Variants in TTLL5 observed in about 807,000 individuals in gnomAD.
TTLL5 encodes the protein tubulin polyglutamylase TTLL5.
TTLL5 carries 132 observed loss-of-function variants against 168.4 expected under a neutral mutation model. That is an observed-to-expected ratio of 0.78 (90% CI 0.68 to 0.91). The LOEUF (loss-of-function observed/expected upper bound fraction) is 0.91. TTLL5 is among the 40% of genes least tolerant of loss of function. TTLL5 has a pLI of 0.00. For synonymous variants in TTLL5, 546 were observed against 558.6 expected, an observed-to-expected ratio of 0.98 and a Z score of 0.32; for missense variants, 1,545 against 1,581.5, an observed-to-expected ratio of 0.98 and a Z score of 0.39.
intron 31 of TTLL5, among the ~76,000 whole-genome samples, chr14:75,905,492 A>G (rs1354116090): frequency 1.3e-5 from 2 of 152,246 alleles, no homozygotes; most frequent in East Asian, 3.8e-4. Flanking sequence ...GAAAGCTCTT[A>G]GCAGAGTACC....
intron 26 of TTLL5, among the ~76,000 whole-genome samples, chr14:75,789,371 G>C (rs574221617): frequency 1.1e-4 from 16 of 152,242 alleles, no homozygotes; most frequent in African/African-American, 3.8e-4. Flanking sequence ...ATAATATATT[G>C]TCTACATAGA....
intron 26 of TTLL5, among the ~76,000 whole-genome samples, chr14:75,790,764 C>G (rs1892651639): frequency 6.6e-6 from 1 of 151,286 alleles, no homozygotes; most frequent in Non-Finnish European, 1.5e-5. Flanking sequence ...CATTCCCGGC[C>G]CAGGAACTTT....
chr14:75,764,667 G>C lies in TTLL5; in HGVS notation c.1603G>C (p.Ala535Pro), dbSNP rs753878212. 6.2e-7 allele frequency: 1 copy of C among 1,614,028 alleles called. No individual in the cohort carries two copies. The highest frequency in any genetic ancestry group is 1.3e-5 in the African/African-American group (1 of 74,914). Residue 535 changes from alanine to proline, a missense_variant, in exon 19 of 32, where the codon GCC (alanine) becomes CCC (proline). By Grantham distance (27) the Ala-to-Pro change is conservative. Coordinates refer to ENST00000298832, the MANE Select transcript of TTLL5 (RefSeq NM_015072.5). Reference protein sequence around the residue: ...ELKIESLNSKAKLHAALYERK... With the variant: ...ELKIESLNSKPKLHAALYERK... The stretch of plus-strand genomic sequence containing the variant: ...GAAGATAGAGAGTCTGAATTCAAAG[G>C]CCAAGCTGCATGCTGCACTTTACGA...
chr14:75,718,078 C>A, intron 10 of TTLL5, 116 bp downstream of exon 10: 1 of 828,662 alleles, frequency 1.2e-6, no homozygotes, highest in African/African-American at 1.7e-5. Flanking sequence ...GTCCATGTAC[C>A]ATTTATGGAA....
At chr14:75,704,350 G>C (rs113492450) in intron 7 of TTLL5, among the ~76,000 whole-genome samples, 3,697 of 152,164 alleles carry the variant, frequency 0.024, 134 homozygotes, top group African/African-American at 0.072. Flanking sequence ...ACCAGCCTGG[G>C]CAACATGGTG....
chr14:75,744,734 T>G (rs1341687108), intron 15 of TTLL5: 1 of 159,908 alleles, frequency 6.3e-6, no homozygotes, highest in African/African-American at 2.4e-5. Context: ...CATTTATTTT[T>G]CTATTGAGGG....
At chr14:75,902,063 A>G (rs1595237018) in intron 30 of TTLL5, 79 bp from the exon 31 acceptor site, 1 of 1,233,600 alleles carries the variant, frequency 8.1e-7, no homozygotes, top group East Asian at 2.3e-5. Flanking sequence ...ACCAAGAGCA[A>G]GAAGCGAAGC....
At chr14:75,837,658 A>T (rs541779922) in intron 28 of TTLL5, among the ~76,000 whole-genome samples, 27 of 152,200 alleles carry the variant, frequency 1.8e-4, no homozygotes, top group Non-Finnish European at 2.9e-4. Flanking sequence ...TATGATTTTG[A>T]CTACTCTAGG....
intron 3 of TTLL5, among the ~76,000 whole-genome samples, chr14:75,671,734 T>A (rs997522571): frequency 1.3e-5 from 2 of 152,226 alleles, no homozygotes; most frequent in Non-Finnish European, 2.9e-5. Context: ...TATATTGATC[T>A]TGTATCCTGA....
intron 27 of TTLL5, among the ~76,000 whole-genome samples, chr14:75,800,898 G>GT (rs1893269449): frequency 6.6e-6 from 1 of 152,178 alleles, no homozygotes; most frequent in Admixed American, 6.5e-5. Context: ...TGTGGACTCT[G>GT]TGAGGGTCCT....
At chr14:75,872,309 T>C (rs1721192523) in intron 29 of TTLL5, among the ~76,000 whole-genome samples, 1 of 152,266 alleles carries the variant, frequency 6.6e-6, no homozygotes, top group African/African-American at 2.4e-5. Context: ...GACACATTTC[T>C]ACGTTTGCTT....
In TTLL5 at chr14:75,954,426, C is replaced by A. The variant is rs2035054463; in HGVS notation, c.3826C>A (p.Pro1276Thr). The A allele has an allele frequency of 2.5e-6, 4 of 1,613,892 alleles. No individual in the cohort carries two copies. Among genetic ancestry groups the A allele is most frequent in the Non-Finnish European group, 3.4e-6 (4 of 1,180,014 alleles). The part of the protein sequence containing the change: ...AFVPITSSTD[P>T]AHTKI ...ATGGTTGCCTTTCTCTTTTTCAGATCCTGCTCACACTAAAATATGAACCAC... is the reference window on the plus strand; with the variant it reads ...ATGGTTGCCTTTCTCTTTTTCAGATACTGCTCACACTAAAATATGAACCAC... The change falls in exon 32 of 32, where the codon CCT becomes ACT. Residue 1276 changes from proline (P) to threonine (T), a missense_variant and splice_region_variant. Pro to Thr is a conservative substitution (Grantham distance 38). Transcript: ENST00000298832.
chr14:75,880,835 G>A (rs1000122070), intron 29 of TTLL5, among the ~76,000 whole-genome samples: 1 of 152,160 alleles, frequency 6.6e-6, no homozygotes, highest in Non-Finnish European at 1.5e-5. Flanking sequence ...TGGACCATCC[G>A]GAAACCTCCC....
At chr14:75,717,604 T>A (rs1887557031) in intron 9 of TTLL5, among the ~76,000 whole-genome samples, 1 of 152,210 alleles carries the variant, frequency 6.6e-6, no homozygotes, top group South Asian at 2.1e-4. Flanking sequence ...AACAAGTTAT[T>A]TAATAGACCA....
At chr14:75,677,390 CTTTTTT>C (rs11349214) in intron 3 of TTLL5, among the ~76,000 whole-genome samples, 50 of 78,328 alleles carry the variant, frequency 6.4e-4, no homozygotes, top group Non-Finnish European at 8.3e-4. Flanking sequence ...CTCTCTCTCT[CTTTTTT>C]TTTTTTTTTT....
chr14:75,886,715 C>T, intron 30 of TTLL5: 2 of 1,598,012 alleles, frequency 1.3e-6, no homozygotes, highest in Non-Finnish European at 1.7e-6. Context: ...GCTTCAGATC[C>T]TCCTTTCAAA....
At chr14:75,897,391 T>A (rs943655971) in intron 30 of TTLL5, among the ~76,000 whole-genome samples, 5 of 152,236 alleles carry the variant, frequency 3.3e-5, no homozygotes, top group African/African-American at 1.2e-4. Flanking sequence ...TGGTCATGTG[T>A]CTTATTATAG....
chr14:75,768,866 A>G (rs1374040285), intron 20 of TTLL5, among the ~76,000 whole-genome samples: 2 of 152,204 alleles, frequency 1.3e-5, no homozygotes, highest in Non-Finnish European at 2.9e-5. Flanking sequence ...TGGAGAATAG[A>G]ATATGCTAAA....
Position 75,902,153 on chromosome 14 carries a change from C to T in TTLL5, c.3752C>T (p.Ala1251Val), listed in dbSNP as rs138045400. ...CCTTTGTGTTTCAGAGGGTCCTCCG[C>T]GGAAGGGCAGCTGAATGGACTCCAG... ...TSQKASKGSS[A>V]EGQLNGLQSS... The change falls in exon 31 of 32, where the codon GCG becomes GTG. Residue 1251 changes from alanine to valine, a missense_variant. Ala to Val is a moderately conservative substitution (Grantham distance 64, BLOSUM62 0). Coordinates refer to ENST00000298832, the MANE Select transcript of TTLL5 (RefSeq NM_015072.5). 236 of 1,614,140 alleles carry T rather than the reference C, an allele frequency of 1.5e-4. No homozygotes were observed. Among genetic ancestry groups the T allele is most frequent in the African/African-American group, 9.1e-4 (68 of 75,040 alleles).
Sources: allele counts gnomAD v4.1 joint callset (sites outside exome capture counted in the v4.1 genomes callset), GRCh38; gene constraint gnomAD v4.1.1; transcripts MANE v1.5; gene names NCBI Gene and HGNC (gene_info 2026-07-23, HGNC 2026-07-21).